Variants in TLCD4 observed in about 807,000 individuals in gnomAD.
TLCD4 encodes the protein TLC domain containing 4.
In TLCD4, 7 loss-of-function variants were observed where a neutral mutation model predicts 24.2. That is an observed-to-expected ratio of 0.29 (90% CI 0.16 to 0.54). The LOEUF (loss-of-function observed/expected upper bound fraction) is 0.54. Ranked by LOEUF, TLCD4 falls within the 20% of genes least tolerant of loss-of-function variation. TLCD4 has a pLI of 0.95. For missense variants in TLCD4, 259 were observed against 313.9 expected (o/e 0.82, Z 1.32); for synonymous variants, 103 against 106.4 (o/e 0.97, Z 0.20).
At chr1:95,098,696 A>T in the TLCD4 span, among the ~76,000 whole-genome samples, 1 of 152,086 alleles carries the variant, frequency 6.6e-6, no homozygotes, top group African/African-American at 2.4e-5. Context: ...ATCTGTAATG[A>T]ATTGTGGTCT....
chr1:95,139,266 T>C (rs978669157), intron 1 of TLCD4, among the ~76,000 whole-genome samples: 2 of 151,190 alleles, frequency 1.3e-5, no homozygotes, highest in Non-Finnish European at 2.9e-5. Context: ...TAGAAGTTGC[T>C]CTAGGTGAAT....
chr1:95,123,111 G>A (rs2100903003), intron 1 of TLCD4, among the ~76,000 whole-genome samples: 1 of 152,146 alleles, frequency 6.6e-6, no homozygotes, highest in East Asian at 1.9e-4. Flanking sequence ...GCCTAACCCG[G>A]GACATGATTC....
the TLCD4 span, among the ~76,000 whole-genome samples, chr1:95,105,335 C>A: frequency 1.3e-5 from 2 of 152,158 alleles, no homozygotes; most frequent in Admixed American, 6.5e-5. Flanking sequence ...CTGAAATATC[C>A]TTTTCCCTGA....
At chr1:95,095,499 G>A in the TLCD4 span, among the ~76,000 whole-genome samples, 1 of 152,246 alleles carries the variant, frequency 6.6e-6, no homozygotes, top group East Asian at 1.9e-4. Flanking sequence ...CTGGGTTCAA[G>A]TGATTCTCCT....
At chr1:95,108,364 T>C in the TLCD4 span, among the ~76,000 whole-genome samples, 7 of 152,188 alleles carry the variant, frequency 4.6e-5, no homozygotes, top group Non-Finnish European at 5.9e-5. Context: ...AATTCATCCA[T>C]ATTTTCATGG....
At chr1:95,183,720 C>G (rs941531589) in intron 6 of TLCD4, among the ~76,000 whole-genome samples, 1 of 152,006 alleles carries the variant, frequency 6.6e-6, no homozygotes, top group African/African-American at 2.4e-5. Context: ...GGCGCGTAGT[C>G]CCGGCTACTC....
chr1:95,163,175 A>T (rs1009853838), intron 5 of TLCD4: 8 of 152,182 alleles, frequency 5.3e-5, no homozygotes, highest in African/African-American at 1.9e-4. Context: ...ACATAGTCTC[A>T]TATTTCTCAG....
At chr1:95,180,212 A>G (rs982531726) in intron 6 of TLCD4, among the ~76,000 whole-genome samples, 1 of 152,234 alleles carries the variant, frequency 6.6e-6, no homozygotes, top group Non-Finnish European at 1.5e-5. Flanking sequence ...TTGAAGCAGG[A>G]TAAAGCTACC....
chr1:95,119,572 G>T (rs1440500937), intron 1 of TLCD4, among the ~76,000 whole-genome samples: 2 of 152,204 alleles, frequency 1.3e-5, no homozygotes, highest in Non-Finnish European at 2.9e-5. Flanking sequence ...TTCTAGGCAG[G>T]TTTGGGAATG....
chr1:95,184,366 G>C (rs779807202), intron 6 of TLCD4, among the ~76,000 whole-genome samples: 1 of 149,200 alleles, frequency 6.7e-6, no homozygotes, highest in Non-Finnish European at 1.5e-5. Flanking sequence ...TTTTTTTTCT[G>C]TGCCTGCAAA....
intron 5 of TLCD4, among the ~76,000 whole-genome samples, chr1:95,152,267 G>A (rs913261066): frequency 5.9e-5 from 9 of 151,924 alleles, no homozygotes; most frequent in Non-Finnish European, 8.8e-5. Flanking sequence ...ACTATAAGAA[G>A]GTTTTTTTCT....
chr1:95,092,682 G>A, the TLCD4 span, among the ~76,000 whole-genome samples: 2 of 151,716 alleles, frequency 1.3e-5, no homozygotes, highest in East Asian at 3.9e-4. Context: ...GAACACATCC[G>A]AACATCAGAA....
At chr1:95,155,035 T>C (rs1677594846) in intron 5 of TLCD4, among the ~76,000 whole-genome samples, 2 of 151,702 alleles carry the variant, frequency 1.3e-5, no homozygotes, top group Non-Finnish European at 2.9e-5. Flanking sequence ...CAGTGCAGTG[T>C]AGTGTAGTAT....
At chr1:95,160,972 G>A (rs1271234533) in intron 5 of TLCD4, among the ~76,000 whole-genome samples, 1 of 151,842 alleles carries the variant, frequency 6.6e-6, no homozygotes, top group African/African-American at 2.4e-5. Context: ...TCTTTTTTTT[G>A]TTGTGTCTCT....
At chr1:95,150,521 A>G (rs1677464873) in intron 4 of TLCD4, among the ~76,000 whole-genome samples, 1 of 152,122 alleles carries the variant, frequency 6.6e-6, no homozygotes, top group South Asian at 2.1e-4. Flanking sequence ...CAGCAAGGAT[A>G]TGGTCCCTCT....
chr1:95,183,576 C>T (rs1182986780), intron 6 of TLCD4, among the ~76,000 whole-genome samples: 1 of 152,202 alleles, frequency 6.6e-6, no homozygotes, highest in South Asian at 2.1e-4. Flanking sequence ...TGGTGGCTCA[C>T]GCCTGTAATC....
intron 6 of TLCD4, 31 bp downstream of exon 6, chr1:95,173,920 A>T: frequency 6.2e-7 from 1 of 1,612,768 alleles, no homozygotes; most frequent in African/African-American, 1.3e-5. Flanking sequence ...ATTATTTTAA[A>T]GTCATGCTGT....
chr1:95,167,076 A>ACTGATGGCCATCAGTATTTTTC (rs1678041634), intron 5 of TLCD4, among the ~76,000 whole-genome samples: 1 of 151,774 alleles, frequency 6.6e-6, no homozygotes, highest in South Asian at 2.1e-4. Context: ...AGTGCCGCAT[A>ACTGATGGCCATCAGTATTTTTC]CTGATGGCCA....
rs1242032818 is a variant in TLCD4 at position 95,173,944 on chromosome 1, GGGCAAATCC to G, written c.473+56_473+64del. The G allele has an allele frequency of 7.5e-6, 12 of 1,607,274 alleles. No individual in the cohort carries two copies. In the African/African-American group the frequency reaches 1.6e-4, roughly 22 times the overall value. On this transcript the variant is annotated intron_variant, in intron 6 of 6. Coordinates refer to ENST00000370203, the MANE Select transcript of TLCD4 (RefSeq NM_152487.3). ...AAGTCATGCTGTTTATTTTTAGTTTGGGCAAATCCTTTTCCCGTGATCCTCAAGTTACTA... is the reference window on the plus strand; with the variant it reads ...AAGTCATGCTGTTTATTTTTAGTTTGTTTTCCCGTGATCCTCAAGTTACTA...
Sources: allele counts gnomAD v4.1 joint callset (sites outside exome capture counted in the v4.1 genomes callset), GRCh38; gene constraint gnomAD v4.1.1; transcripts MANE v1.5; gene names NCBI Gene and HGNC (gene_info 2026-07-23, HGNC 2026-07-21).